KLHL1: variants seen among roughly 807,000 people sequenced by gnomAD.
The protein encoded by KLHL1 is kelch-like protein 1.
In KLHL1, 47 loss-of-function variants were observed where a neutral mutation model predicts 77.7. That is an observed-to-expected ratio of 0.60 (90% CI 0.48 to 0.77). KLHL1 has a LOEUF of 0.77. Among genes scored for constraint, KLHL1 ranks in the 30% least tolerant of loss-of-function variants. KLHL1 has a pLI of 0.00. For missense variants in KLHL1, 925 were observed against 910.8 expected, an observed-to-expected ratio of 1.02 and a Z score of -0.20; for synonymous variants, 360 against 325.2, an observed-to-expected ratio of 1.11 and a Z score of -1.15.
At chr13:69,940,619 A>G (rs1883335040) in intron 3 of KLHL1, among the ~76,000 whole-genome samples, 1 of 152,092 alleles carries the variant, frequency 6.6e-6, no homozygotes, top group Non-Finnish European at 1.5e-5. Flanking sequence ...ATATGAATAT[A>G]AAATATCTAT....
chr13:69,743,077 C>T (rs1435803809), intron 7 of KLHL1, among the ~76,000 whole-genome samples: 3 of 152,086 alleles, frequency 2.0e-5, no homozygotes, highest in African/African-American at 7.2e-5. Flanking sequence ...CTTTAGAATA[C>T]GTTGTGTGCC....
Position 69,940,253 on chromosome 13 carries a change from A to G in KLHL1, c.818-17T>C. 1 of 1,569,148 alleles carries G rather than the reference A, an allele frequency of 6.4e-7. No individual in the cohort carries two copies. Among genetic ancestry groups the G allele is most frequent in the Non-Finnish European group, 8.6e-7 (1 of 1,158,258 alleles). On this transcript the variant is annotated splice_polypyrimidine_tract_variant and intron_variant, in intron 3 of 10. Transcript: ENST00000377844. Reference sequence around the variant, plus strand: ...CCAAGCAGCCTAAACATAAGCAAAGATAATTATGAAACTCTTTTAAAAACA... The same window carrying G: ...CCAAGCAGCCTAAACATAAGCAAAGGTAATTATGAAACTCTTTTAAAAACA...
At chr13:69,762,298 C>G (rs1875064709) in intron 7 of KLHL1, among the ~76,000 whole-genome samples, 1 of 152,064 alleles carries the variant, frequency 6.6e-6, no homozygotes, top group Non-Finnish European at 1.5e-5. Flanking sequence ...TAATCTACTT[C>G]CCATGGAAAA....
chr13:69,716,200 T>A (rs926039037), intron 9 of KLHL1, among the ~76,000 whole-genome samples: 6 of 152,188 alleles, frequency 3.9e-5, no homozygotes, highest in African/African-American at 1.4e-4. Flanking sequence ...ATCAATTCAT[T>A]TGTCTGTATA....
intron 3 of KLHL1, among the ~76,000 whole-genome samples, chr13:69,959,007 C>A (rs763364234): frequency 1.3e-5 from 2 of 151,968 alleles, no homozygotes; most frequent in Non-Finnish European, 2.9e-5. Context: ...GTCATGCCTG[C>A]AATTTTTCCA....
chr13:70,034,502 A>G (rs1042073866), intron 1 of KLHL1, among the ~76,000 whole-genome samples: 1 of 152,234 alleles, frequency 6.6e-6, no homozygotes, highest in African/African-American at 2.4e-5. Context: ...TTTGTGGAAC[A>G]GTTGTCATGG....
At chr13:69,857,742 A>C (rs1387288290) in intron 5 of KLHL1, among the ~76,000 whole-genome samples, 2 of 152,138 alleles carry the variant, frequency 1.3e-5, no homozygotes, top group East Asian at 3.9e-4. Flanking sequence ...AAAAATAGTT[A>C]ATATAATTTT....
intron 1 of KLHL1, among the ~76,000 whole-genome samples, chr13:70,005,657 T>C (rs1885389397): frequency 6.6e-6 from 1 of 151,940 alleles, no homozygotes; most frequent in Admixed American, 6.6e-5. Flanking sequence ...TTTTAATAAT[T>C]AGAAACAAAT....
intron 7 of KLHL1, among the ~76,000 whole-genome samples, chr13:69,793,470 CAT>C (rs1448907689): frequency 6.8e-6 from 1 of 146,428 alleles, no homozygotes; most frequent in Non-Finnish European, 1.5e-5. Context: ...CTACAGAACT[CAT>C]GTGACTTTCT....
chr13:70,064,885 T>C (rs549086275), intron 1 of KLHL1, among the ~76,000 whole-genome samples: 44 of 152,316 alleles, frequency 2.9e-4, no homozygotes, highest in African/African-American at 9.6e-4. Context: ...TGTACATGTA[T>C]GAAACTACCA....
intron 4 of KLHL1, among the ~76,000 whole-genome samples, chr13:69,903,630 CTTTTTTTTTTTTTTTT>C (rs35761520): frequency 1.0e-4 from 5 of 50,182 alleles, no homozygotes; most frequent in Non-Finnish European, 1.3e-4. Flanking sequence ...TGTTCACATT[CTTTTTTTTTTTTTTTT>C]TTTTTTTTTT....
intron 4 of KLHL1, among the ~76,000 whole-genome samples, chr13:69,913,315 C>A (rs936286768): frequency 1.3e-5 from 2 of 152,180 alleles, no homozygotes; most frequent in Non-Finnish European, 2.9e-5. Context: ...ATATCCAAAG[C>A]CCCTTGGAGA....
intron 8 of KLHL1, among the ~76,000 whole-genome samples, chr13:69,728,233 A>G (rs892274674): frequency 6.6e-6 from 1 of 152,122 alleles, no homozygotes; most frequent in African/African-American, 2.4e-5. Context: ...TGAATAAAAA[A>G]TAGAAACAGA....
At chr13:70,085,820 C>T (rs968664383) in intron 1 of KLHL1, among the ~76,000 whole-genome samples, 1 of 152,102 alleles carries the variant, frequency 6.6e-6, no homozygotes, top group African/African-American at 2.4e-5. Flanking sequence ...GCCGAGATCG[C>T]ACCACTGCAC....
intron 7 of KLHL1, among the ~76,000 whole-genome samples, chr13:69,784,684 G>A (rs1876416629): frequency 2.0e-5 from 3 of 151,328 alleles, no homozygotes; most frequent in African/African-American, 4.9e-5. Context: ...GATTCATAAA[G>A]CAAGTCCTTA....
intron 10 of KLHL1, among the ~76,000 whole-genome samples, chr13:69,703,226 G>A (rs540482731): frequency 6.6e-6 from 1 of 151,514 alleles, no homozygotes; most frequent in South Asian, 2.1e-4. Context: ...GTCTGGTAAT[G>A]TCATAGCCCT....
intron 7 of KLHL1, among the ~76,000 whole-genome samples, chr13:69,784,932 C>A (rs920492999): frequency 3.8e-4 from 53 of 140,266 alleles, no homozygotes; most frequent in African/African-American, 1.3e-3. Context: ...CTCTGTCGCC[C>A]AGGCTGGAGT....
chr13:69,940,312 A>C, intron 3 of KLHL1, 76 bp from the exon 4 acceptor site: 2 of 1,082,882 alleles, frequency 1.8e-6, no homozygotes, highest in Non-Finnish European at 2.6e-6. Context: ...TACACAAAAC[A>C]TTAGGCCAAT....
chr13:69,840,296 T>C (rs1428669075), intron 5 of KLHL1, among the ~76,000 whole-genome samples: 1 of 151,704 alleles, frequency 6.6e-6, no homozygotes, highest in Non-Finnish European at 1.5e-5. Flanking sequence ...TGATCTCGGC[T>C]CACTGCAACC....
Sources: allele counts gnomAD v4.1 joint callset (sites outside exome capture counted in the v4.1 genomes callset), GRCh38; gene constraint gnomAD v4.1.1; transcripts MANE v1.5; gene names NCBI Gene and HGNC (gene_info 2026-07-23, HGNC 2026-07-21).